GOLGA4: variants seen among roughly 807,000 people sequenced by gnomAD.
GOLGA4 encodes golgin subfamily A member 4.
Under a neutral mutation model 265.9 loss-of-function variants are expected in GOLGA4, and 169 were observed. The observed-to-expected ratio is 0.64, with a 90% CI of 0.56 to 0.72. The LOEUF is 0.72. Ranked by LOEUF, GOLGA4 falls within the 30% of genes least tolerant of loss-of-function variation. The pLI is 0.00. For synonymous variants in GOLGA4, 923 were observed against 855.8 expected (o/e 1.08, Z -1.37); for missense variants, 2,482 against 2,483.4 (o/e 1.00, Z 0.01).
intron 20 of GOLGA4, 56 bp downstream of exon 20, chr3:37,340,255 G>T: frequency 1.6e-6 from 1 of 637,052 alleles, no homozygotes; most frequent in South Asian, 2.7e-5. Flanking sequence ...GTGGATTTGT[G>T]CATGATTTTT....
chr3:37,316,036 AATAT>A (rs1322921512), intron 11 of GOLGA4, among the ~76,000 whole-genome samples: 5 of 152,184 alleles, frequency 3.3e-5, no homozygotes, highest in Admixed American at 6.5e-5. Context: ...GATTACTCTT[AATAT>A]AGATAGACCT....
At chr3:37,260,690 A>T (rs1185141540) in intron 2 of GOLGA4, among the ~76,000 whole-genome samples, 1 of 151,838 alleles carries the variant, frequency 6.6e-6, no homozygotes, top group Admixed American at 6.6e-5. Context: ...AGGGATTTAC[A>T]CCCTTGCTAA....
rs2096775437 is a variant in GOLGA4, at chr3:37,263,466, C to T, written c.162+11982C>T. Among the ~76,000 whole-genome samples the T allele has an allele frequency of 2.0e-5, 3 of 152,276 alleles. No individual in the cohort carries two copies. In the South Asian group the frequency reaches 6.2e-4, roughly 32 times the overall value. The stretch of plus-strand genomic sequence containing the variant: ...CTAAGAACCGATGGCTGTATTCTCT[C>T]CCTTGGACACCCCTCCATGATGTTC... On this transcript the variant is annotated intron_variant, in intron 2 of 23. Coordinates refer to ENST00000361924, the MANE Select transcript of GOLGA4 (RefSeq NM_002078.5).
intron 2 of GOLGA4, among the ~76,000 whole-genome samples, chr3:37,281,581 A>G (rs1442068212): frequency 2.0e-5 from 3 of 152,220 alleles, no homozygotes; most frequent in Non-Finnish European, 2.9e-5. Context: ...CAGATGGTGT[A>G]TGGAGATGGT....
chr3:37,256,846 G>A (rs1346011614), intron 2 of GOLGA4, among the ~76,000 whole-genome samples: 4 of 151,996 alleles, frequency 2.6e-5, no homozygotes, highest in African/African-American at 7.2e-5. Context: ...CTTTTTCAGC[G>A]ATAGGGTATC....
intron 10 of GOLGA4, among the ~76,000 whole-genome samples, chr3:37,305,505 A>G (rs1458427496): frequency 2.0e-5 from 3 of 152,252 alleles, no homozygotes; most frequent in Admixed American, 6.5e-5. Context: ...GTATATGCCA[A>G]TTGAAAGAAA....
chr3:37,362,442 G>A (rs1410718606), intron 23 of GOLGA4, among the ~76,000 whole-genome samples: 32 of 150,998 alleles, frequency 2.1e-4, no homozygotes, highest in African/African-American at 7.5e-4. Context: ...GGGTTTCACC[G>A]TTTTAGCCAG....
intron 2 of GOLGA4, among the ~76,000 whole-genome samples, chr3:37,269,502 A>G (rs978944961): frequency 6.6e-6 from 1 of 152,216 alleles, no homozygotes; most frequent in African/African-American, 2.4e-5. Flanking sequence ...CTTTGGAGAC[A>G]AACATGTCAA....
rs1696251798 is a variant in GOLGA4 at position 37,361,302 on chromosome 3, TGTG to T, written c.*33+1_*33+3del. ...ACCATCAGTCTGTGCTTAGTTAACA[TGTG>T]GTGAGTGAAGAACAATGTCTTGTGT... On this transcript the variant is annotated splice_region_variant and 3_prime_UTR_variant, in exon 23 of 24. Transcript: ENST00000361924. 6.2e-7 allele frequency: 1 copy of T among 1,606,674 alleles called. No individual in the cohort carries two copies. Among genetic ancestry groups the T allele is most frequent in the South Asian group, 1.1e-5 (1 of 90,918 alleles).
At chr3:37,343,256 G>C (rs777924152) in intron 20 of GOLGA4, among the ~76,000 whole-genome samples, 1 of 152,190 alleles carries the variant, frequency 6.6e-6, no homozygotes, top group Non-Finnish European at 1.5e-5. Context: ...CGAGTAGCTG[G>C]GATTATAGGC....
At chr3:37,351,198 G>A (rs981298742) in intron 21 of GOLGA4, among the ~76,000 whole-genome samples, 2 of 152,106 alleles carry the variant, frequency 1.3e-5, no homozygotes, top group African/African-American at 2.4e-5. Flanking sequence ...TTCACCAGGA[G>A]TAGATTCCAT....
rs2150963159 is a variant in GOLGA4, at chr3:37,324,918, C to T, written c.3032C>T (p.Ser1011Leu). Residue 1011 changes from serine to leucine, a missense_variant, in exon 14 of 24, where the codon TCA becomes TTA. Around this residue, in one of 3 missense-constraint regions of GOLGA4, gnomAD observed 1,536 missense variants for 1,483.7 expected, o/e 1.04. Transcript: ENST00000361924. ...ATGCTGGAAATGGCACAGGCTAACT[C>T]AGCTGGAATCAGTGATGCAGTGTCA... ...AKMLEMAQANSAGISDAVSRL... is the reference protein window; with the variant it reads ...AKMLEMAQANLAGISDAVSRL... The T allele has an allele frequency of 6.2e-7, 1 of 1,611,652 alleles. No homozygotes were observed.
rs1034642713 is a variant in GOLGA4 at position 37,274,697 on chromosome 3, A to G, written c.163-7261A>G. ...GACAGAGTGAGACCCTGTCTCAAGG[A>G]AAAAAAAAAAATTGTGATAGCAGTG... On this transcript the variant is annotated intron_variant, in intron 2 of 23. Transcript: ENST00000361924. Among the ~76,000 whole-genome samples, 8 of 73,310 alleles carry G rather than the reference A, an allele frequency of 1.1e-4. No homozygotes were observed. In the East Asian group the frequency reaches 1.8e-3, roughly 17 times the overall value. The allele number at this position is 73,310 out of a possible 152,430, so 48.1% of individuals were successfully genotyped here. A position where few individuals can be genotyped will look rare whatever the true frequency, so the allele number is the denominator to read the frequency against.
intron 1 of GOLGA4, among the ~76,000 whole-genome samples, chr3:37,246,511 T>C (rs6550463): frequency 0.83 from 126,967 of 152,142 alleles, 53,613 homozygotes; most frequent in African/African-American, 0.94. Context: ...TATAGAAGTA[T>C]AGATACAAAA....
intron 2 of GOLGA4, among the ~76,000 whole-genome samples, chr3:37,265,067 T>C (rs953903146): frequency 6.6e-6 from 1 of 152,094 alleles, no homozygotes; most frequent in Non-Finnish European, 1.5e-5. Context: ...ATTGGTAATC[T>C]GTGACATCCA....
intron 10 of GOLGA4, among the ~76,000 whole-genome samples, chr3:37,311,630 A>G (rs1185592817): frequency 6.6e-6 from 1 of 152,178 alleles, no homozygotes; most frequent in African/African-American, 2.4e-5. Flanking sequence ...TCAATGAAAG[A>G]TTTCAATGGT....
In GOLGA4 at chr3:37,281,967, A is replaced by G. The variant is rs1578483235; in HGVS notation, c.172A>G (p.Thr58Ala). 2 of 1,611,804 alleles carry G rather than the reference A, an allele frequency of 1.2e-6. No homozygotes were observed. Among genetic ancestry groups the G allele is most frequent in the East Asian group, 2.2e-5 (1 of 44,824 alleles). ...TGGGTTTTGGTTGCAGTCAGGTGACACACAGTCTTTTGCACAGAAGCTCCA... is the reference window on the plus strand; with the variant it reads ...TGGGTTTTGGTTGCAGTCAGGTGACGCACAGTCTTTTGCACAGAAGCTCCA... ...EGTPNRESGD[T>A]QSFAQKLQLR... Residue 58 changes from threonine to alanine, a missense_variant, in exon 3 of 24, where the codon ACA becomes GCA. By Grantham distance (58) the Thr-to-Ala change is moderately conservative (BLOSUM62 0). Transcript: ENST00000361924.
chr3:37,314,455 A>G (rs2096931480), intron 10 of GOLGA4, among the ~76,000 whole-genome samples: 1 of 151,946 alleles, frequency 6.6e-6, no homozygotes, highest in African/African-American at 2.4e-5. Flanking sequence ...AGCCTGAACA[A>G]TATGGTGAAA....
intron 23 of GOLGA4, among the ~76,000 whole-genome samples, chr3:37,365,447 T>C (rs1696676332): frequency 6.6e-6 from 1 of 152,180 alleles, no homozygotes; most frequent in South Asian, 2.1e-4. Context: ...TTTGTATTTT[T>C]AGTAGAGACA....
Sources: gnomAD v4.1 joint callset for allele counts (sites outside exome capture counted in the v4.1 genomes callset) on GRCh38, gnomAD v4.1.1 for gene constraint, gnomAD v4.1.1 regional missense constraint, MANE v1.5 for transcripts, NCBI Gene and HGNC (gene_info 2026-07-23, HGNC 2026-07-21) for gene names.